TMPRSS6: variants seen among roughly 807,000 people sequenced by gnomAD.
The protein encoded by TMPRSS6 is transmembrane protease serine 6.
Under a neutral mutation model 101.5 loss-of-function variants are expected in TMPRSS6, and 67 were observed. The observed-to-expected ratio is 0.66, with a 90% CI of 0.54 to 0.81. The LOEUF is 0.81. Among genes scored for constraint, TMPRSS6 ranks in the 30% least tolerant of loss-of-function variants. The pLI is 0.00. For synonymous variants in TMPRSS6, 453 were observed against 464.9 expected, an observed-to-expected ratio of 0.97 and a Z score of 0.33; for missense variants, 1,034 against 1,088.7, an observed-to-expected ratio of 0.95 and a Z score of 0.71.
chr22:37,079,308 C>A (rs1446460602), intron 10 of TMPRSS6, among the ~76,000 whole-genome samples: 1 of 152,224 alleles, frequency 6.6e-6, no homozygotes, highest in Non-Finnish European at 1.5e-5. Context: ...CACCGTGTGG[C>A]CTGCCTTGCT....
chr22:37,067,121 G>A (rs2146021201), intron 16 of TMPRSS6, among the ~76,000 whole-genome samples, 159 bp from the exon 17 acceptor site: 1 of 152,244 alleles, frequency 6.6e-6, no homozygotes, highest in East Asian at 1.9e-4. Flanking sequence ...CTGCCTCCCT[G>A]TCACTTTATT....
At chr22:37,084,445 T>G (rs1323842690) in intron 9 of TMPRSS6, 41 bp from the exon 10 acceptor site, 10 of 1,498,990 alleles carry the variant, frequency 6.7e-6, no homozygotes, top group Non-Finnish European at 4.6e-6. Context: ...CCATGGGGTG[T>G]GGCCAGGTTG....
chr22:37,107,196 T>C (rs1174764782), intron 1 of TMPRSS6, among the ~76,000 whole-genome samples: 1 of 152,162 alleles, frequency 6.6e-6, no homozygotes, highest in Non-Finnish European at 1.5e-5. Flanking sequence ...GGTGTGGGCC[T>C]GTGGGGTCCC....
At chr22:37,086,533 G>A (rs1928799819) in intron 7 of TMPRSS6, 114 bp from the exon 8 acceptor site, 2 of 1,133,426 alleles carry the variant, frequency 1.8e-6, no homozygotes, top group Non-Finnish European at 2.6e-6. Flanking sequence ...TCTGGGTTCT[G>A]GGTCCGGGTC....
intron 17 of TMPRSS6, among the ~76,000 whole-genome samples, chr22:37,066,577 A>G (rs540341141): frequency 2.6e-5 from 4 of 152,228 alleles, no homozygotes; most frequent in Non-Finnish European, 5.9e-5. Flanking sequence ...GGCAAGGAGC[A>G]GAACTGGGTT....
intron 8 of TMPRSS6, among the ~76,000 whole-genome samples, chr22:37,085,237 G>A (rs562755118): frequency 6.6e-6 from 1 of 152,258 alleles, no homozygotes; most frequent in South Asian, 2.1e-4. Context: ...GAGTGGCTTG[G>A]TTGAGGCTAC....
chr22:37,065,988 C>G lies in TMPRSS6; in HGVS notation c.*92G>C, dbSNP rs989664200. 4.5e-6 allele frequency: 7 copies of G among 1,552,110 alleles called. No individual in the cohort carries two copies. The highest frequency in any genetic ancestry group is 6.2e-6 in the Non-Finnish European group (7 of 1,130,060). ...ACCACAGGGCCTGCTCTCTCCCCCA[C>G]CCCCCGCCAGAATACTTGTCCCCCT... is the stretch of plus-strand genomic sequence containing the variant. On this transcript the variant is annotated 3_prime_UTR_variant, in exon 18 of 18. Transcript: ENST00000676104.
chr22:37,085,525 C>T (rs1928668559), intron 8 of TMPRSS6, among the ~76,000 whole-genome samples: 1 of 152,194 alleles, frequency 6.6e-6, no homozygotes, highest in Non-Finnish European at 1.5e-5. Flanking sequence ...GCAGAAGCAG[C>T]TGCCAACACT....
At chr22:37,098,614 AT>A in intron 2 of TMPRSS6, 65 bp from the exon 3 acceptor site, 1 of 1,612,164 alleles carries the variant, frequency 6.2e-7, no homozygotes, top group South Asian at 1.1e-5. Flanking sequence ...TGTCTCTTCC[AT>A]GCCTTCTCCT....
rs1406958094 is a variant in TMPRSS6 at position 37,109,669 on chromosome 22, G to A, written c.-168C>T. 1 of 152,360 alleles carries A rather than the reference G, an allele frequency of 6.6e-6. No homozygotes were observed. The highest frequency in any genetic ancestry group is 1.9e-4 in the East Asian group (1 of 5,186). The allele number at this position is 152,360 out of a possible 1,614,324, so 9.4% of individuals were successfully genotyped here. On this transcript the variant is annotated 5_prime_UTR_variant, in exon 1 of 18. Coordinates refer to ENST00000676104, the MANE Select transcript of TMPRSS6 (RefSeq NM_001374504.1). Reference sequence around the variant, plus strand: ...TGTCCCCTGTGGCCTGTGGCCTCAGGCTCCATGGAACTCCTCCTGCTGGGT... The same window carrying A: ...TGTCCCCTGTGGCCTGTGGCCTCAGACTCCATGGAACTCCTCCTGCTGGGT...
At chr22:37,066,567 G>A (rs1926310799) in intron 17 of TMPRSS6, among the ~76,000 whole-genome samples, 2 of 152,222 alleles carry the variant, frequency 1.3e-5, no homozygotes, top group South Asian at 4.1e-4. Context: ...CCTTGTGGTG[G>A]GCAAGGAGCA....
intron 13 of TMPRSS6, 26 bp from the exon 14 acceptor site, chr22:37,071,058 G>A: frequency 6.2e-7 from 1 of 1,604,954 alleles, no homozygotes; most frequent in South Asian, 1.1e-5. Context: ...TGGGGGCAGG[G>A]CACAGAAGGT....
chr22:37,080,708 C>A (rs896097408), intron 10 of TMPRSS6, among the ~76,000 whole-genome samples: 5 of 152,236 alleles, frequency 3.3e-5, no homozygotes, highest in African/African-American at 9.7e-5. Flanking sequence ...AAGAGTCTGC[C>A]CCTGGGGACC....
chr22:37,072,066 TTGGA>T (rs1305770305), intron 13 of TMPRSS6, among the ~76,000 whole-genome samples: 1 of 120,840 alleles, frequency 8.3e-6, no homozygotes, highest in Non-Finnish European at 1.8e-5. Context: ...TGATGGATGG[TTGGA>T]TGGATGATGG....
intron 13 of TMPRSS6, 69 bp from the exon 14 acceptor site, chr22:37,071,101 T>C (rs1054153951): frequency 3.9e-5 from 56 of 1,431,052 alleles, no homozygotes; most frequent in Non-Finnish European, 5.3e-5. Context: ...CCTTCCAAAG[T>C]GGGGTGCAGG....
chr22:37,073,164 A>G (rs538496696), intron 13 of TMPRSS6, among the ~76,000 whole-genome samples: 98 of 143,034 alleles, frequency 6.9e-4, no homozygotes, highest in African/African-American at 9.4e-4. Flanking sequence ...GGGTGGGTGG[A>G]TGGATGGATG....
intron 10 of TMPRSS6, chr22:37,083,921 G>A (rs1928459455): frequency 2.0e-6 from 1 of 504,122 alleles, no homozygotes; most frequent in East Asian, 3.0e-5. Flanking sequence ...TAGAGGGAAG[G>A]CACCAAAGTG....
At chr22:37,084,143 A>G (rs1204369101) in intron 10 of TMPRSS6, 152 bp downstream of exon 10, 11 of 717,412 alleles carry the variant, frequency 1.5e-5, no homozygotes, top group Non-Finnish European at 2.5e-5. Flanking sequence ...CAAGGGCAAC[A>G]GGCCTGACAC....
chr22:37,065,905 ATCC>A lies in TMPRSS6; in HGVS notation c.*172_*174del, dbSNP rs1926228415. On this transcript the variant is annotated 3_prime_UTR_variant, in exon 18 of 18. Coordinates refer to ENST00000676104, the MANE Select transcript of TMPRSS6 (RefSeq NM_001374504.1). The stretch of plus-strand genomic sequence containing the variant: ...GACCCCCAGCTGCTGGCACTTCTCC[ATCC>A]TCCTGCCATCACTGGAGCAGACATC... The A allele has an allele frequency of 3.7e-6, 3 of 818,736 alleles. No homozygotes were observed. In the African/African-American group the frequency reaches 5.1e-5, roughly 14 times the overall value. 50.7% of individuals were successfully genotyped at this position (818,736 alleles called of 1,614,324 possible). A position where few individuals can be genotyped will look rare whatever the true frequency, so the allele number is the denominator to read the frequency against.
Sources: gnomAD v4.1 joint callset for allele counts (sites outside exome capture counted in the v4.1 genomes callset) on GRCh38, gnomAD v4.1.1 for gene constraint, MANE v1.5 for transcripts, NCBI Gene and HGNC (gene_info 2026-07-23, HGNC 2026-07-21) for gene names.